APC2: variants seen among roughly 807,000 people sequenced by gnomAD.
The protein encoded by APC2 is APC regulator of Wnt signaling pathway 2.
Under a neutral mutation model 72.5 loss-of-function variants are expected in APC2, and 41 were observed. That is an observed-to-expected ratio of 0.57 (90% CI 0.44 to 0.73). The LOEUF (loss-of-function observed/expected upper bound fraction) is 0.73. Among genes scored for constraint, APC2 ranks in the 30% least tolerant of loss-of-function variants. The probability of loss-of-function intolerance (pLI) is 0.00; values close to 1 mark genes in which losing one functional copy is unlikely to be tolerated. For synonymous variants in APC2, 1,898 were observed against 1,612.0 expected, an observed-to-expected ratio of 1.18 and a Z score of -4.25; for missense variants, 3,729 against 3,403.4, an observed-to-expected ratio of 1.10 and a Z score of -2.38.
intron 1 of APC2, among the ~76,000 whole-genome samples, chr19:1,450,735 C>T (rs1301436460): frequency 6.6e-6 from 1 of 152,210 alleles, no homozygotes; most frequent in Non-Finnish European, 1.5e-5. Context: ...GAAATGCAGC[C>T]CGCTCAATAA....
intron 7 of APC2, 27 bp from the exon 8 acceptor site, chr19:1,456,279 C>A (rs753947911): frequency 6.3e-7 from 1 of 1,591,946 alleles, no homozygotes; most frequent in Non-Finnish European, 8.5e-7. Flanking sequence ...TGGGACTGTA[C>A]CCCCGACCCT....
intron 10 of APC2, among the ~76,000 whole-genome samples, chr19:1,459,428 C>CT (rs2083889996): frequency 6.6e-6 from 1 of 152,192 alleles, no homozygotes; most frequent in African/African-American, 2.4e-5. Context: ...ACAGGGCACG[C>CT]TGGGCTGACC....
At position 1,456,814 on chromosome 19, in the gene APC2, C is replaced by G. The variant is rs769835114; in HGVS notation, c.817-39C>G. ...ACCGGGTTTCCAGGTGTGCGGGGGG[C>G]AGGTGAGGGACCCCACCCTGACCCT... On this transcript the variant is annotated intron_variant, in intron 8 of 14. Coordinates refer to ENST00000590469, the MANE Select transcript of APC2 (RefSeq NM_005883.3). 4 of 1,571,152 alleles carry G rather than the reference C, an allele frequency of 2.5e-6. No homozygotes were observed. The African/African-American group carries it at 4.1e-5, about 16-fold the overall frequency.
chr19:1,465,768 C>A lies in APC2; in HGVS notation c.2467C>A (p.Arg823Ser). Reference sequence around the variant, plus strand: ...GGCGCTGGCTCGCACCCCGCCCACCCGCCGAGGCGGCAAGGAGGCAGAGAA... The same window carrying A: ...GGCGCTGGCTCGCACCCCGCCCACCAGCCGAGGCGGCAAGGAGGCAGAGAA... ...GQALARTPPT[R>S]RGGKEAEKDT... Residue 823 changes from arginine to serine, a missense_variant, in exon 15 of 15, where the codon CGC becomes AGC. Transcript: ENST00000590469. 6.5e-7 allele frequency: 1 copy of A among 1,549,318 alleles called. No homozygotes were observed.
rs759416366 is a variant in APC2 at position 1,468,168 on chromosome 19, C to T, written c.4867C>T (p.Arg1623Trp). 23 of 1,454,424 alleles carry T rather than the reference C, an allele frequency of 1.6e-5. No individual in the cohort carries two copies. The highest frequency in any genetic ancestry group is 2.1e-5 in the Non-Finnish European group (23 of 1,112,466). 90.1% of individuals were successfully genotyped at this position (1,454,424 alleles called of 1,614,324 possible). Residue 1623 changes from arginine (R) to tryptophan (W), a missense_variant, in exon 15 of 15, where the codon CGG becomes TGG. Physicochemically the swap from Arg to Trp is moderately radical, Grantham distance 101 (BLOSUM62 -3). Coordinates refer to ENST00000590469, the MANE Select transcript of APC2 (RefSeq NM_005883.3). ...GGGRDSSPSPRAAEELLQRCI... is the reference protein window; with the variant it reads ...GGGRDSSPSPWAAEELLQRCI... ...CGGACGCGACAGCTCGCCCAGCCCG[C>T]GGGCCGCGGAGGAGCTTCTGCAGCG...
chr19:1,468,924 A>T lies in APC2; in HGVS notation c.5623A>T (p.Ser1875Cys). Residue 1875 changes from serine (S) to cysteine (C), a missense_variant, in exon 15 of 15, where the codon AGC becomes TGC. Physicochemically the swap from Ser to Cys is moderately radical, Grantham distance 112. Transcript: ENST00000590469. ...CCGCCTCGCCAAGACCCCCTCCTCC[A>T]GCTCCTCCCAGACCTCGCCCGCCTC... ...PARLAKTPSS[S>C]SSQTSPASQP... The T allele has an allele frequency of 2.0e-6, 3 of 1,514,794 alleles. No individual in the cohort carries two copies. The highest frequency in any genetic ancestry group is 2.6e-6 in the Non-Finnish European group (3 of 1,135,392). 93.8% of individuals were successfully genotyped at this position (1,514,794 alleles called of 1,614,324 possible). A position where few individuals can be genotyped will look rare whatever the true frequency, so the allele number is the denominator to read the frequency against.
chr19:1,466,727 C>T lies in APC2; in HGVS notation c.3426C>T (p.Ala1142=), dbSNP rs1405896223. ...GCCGGGGCCTGGGGGTGGAAGACGC[C>T]ACGCCGTCCAGCTCGTCGGAGAACT... is the stretch of plus-strand genomic sequence containing the variant. ...NRGRGLGVED[A]TPSSSSENYV... The change falls in exon 15 of 15, where the codon GCC becomes GCT. Residue 1142 remains alanine, a synonymous_variant. Coordinates refer to ENST00000590469, the MANE Select transcript of APC2 (RefSeq NM_005883.3). 2.0e-6 allele frequency: 3 copies of T among 1,538,128 alleles called. No individual in the cohort carries two copies. The highest frequency in any genetic ancestry group is 8.8e-7 in the Non-Finnish European group (1 of 1,140,174).
At chr19:1,461,404 A>C in intron 13 of APC2, 1 of 543,414 alleles carries the variant, frequency 1.8e-6, no homozygotes, top group East Asian at 3.2e-5. Context: ...GTCAGACCCC[A>C]TCTCTACTAA....
Position 1,456,105 on chromosome 19 carries a change from C to T in APC2, c.669C>T (p.Asp223=). The part of the protein sequence containing the change: ...QIRASRLEQI[D]KELLEAQDRV... ...GCGCCTCGCGCCTGGAGCAGATTGACAAGGAGCTGCTGGAGGCGCAGGACC... is the reference window on the plus strand; with the variant it reads ...GCGCCTCGCGCCTGGAGCAGATTGATAAGGAGCTGCTGGAGGCGCAGGACC... The change falls in exon 7 of 15, where the codon GAC becomes GAT. Residue 223 remains aspartate, a synonymous_variant. Coordinates refer to ENST00000590469, the MANE Select transcript of APC2 (RefSeq NM_005883.3). 1.9e-6 allele frequency: 3 copies of T among 1,590,526 alleles called. No individual in the cohort carries two copies. The highest frequency in any genetic ancestry group is 2.6e-6 in the Non-Finnish European group (3 of 1,170,982).
At position 1,466,991 on chromosome 19, in the gene APC2, C is replaced by T. The variant is rs779509450; in HGVS notation, c.3690C>T (p.Ser1230=). The T allele has an allele frequency of 6.2e-7, 1 of 1,608,870 alleles. No individual in the cohort carries two copies. Among genetic ancestry groups the T allele is most frequent in the Non-Finnish European group, 8.5e-7 (1 of 1,178,312 alleles). The part of the protein sequence containing the change: ...PQGPPEATQF[S]LQWESYVKRF... The stretch of plus-strand genomic sequence containing the variant: ...GTCCCCCCGAGGCCACCCAGTTCAG[C>T]CTGCAGTGGGAGAGCTACGTGAAGC... The change falls in exon 15 of 15, where the codon AGC becomes AGT. Residue 1230 remains serine (S), a synonymous_variant. Transcript: ENST00000590469.
rs1568186895 is a variant in APC2 at position 1,470,210 on chromosome 19, A to AT, written c.6910dup (p.Ter2304LeufsTer4). ...CCACTGCCTCCGCCACCCTCCTGGAATAGTGGCCTAGGCCGGCCTTCTGGA... is the reference window on the plus strand; with the variant it reads ...CCACTGCCTCCGCCACCCTCCTGGAATTAGTGGCCTAGGCCGGCCTTCTGGA... On this transcript the variant is annotated frameshift_variant, in exon 15 of 15. Transcript: ENST00000590469. LOFTEE classifies it high-confidence loss of function. The AT allele has an allele frequency of 6.3e-7, 1 of 1,589,918 alleles. No homozygotes were observed. The highest frequency in any genetic ancestry group is 1.1e-5 in the South Asian group (1 of 88,126).
At position 1,469,448 on chromosome 19, in the gene APC2, AC is replaced by A; in HGVS notation, c.6151del (p.Arg2051GlyfsTer284). 8.7e-7 allele frequency: 1 copy of A among 1,153,508 alleles called. No individual in the cohort carries two copies. The highest frequency in any genetic ancestry group is 1.1e-6 in the Non-Finnish European group (1 of 941,044). The allele number at this position is 1,153,508 out of a possible 1,614,324, so 71.5% of individuals were successfully genotyped here. On this transcript the variant is annotated frameshift_variant, in exon 15 of 15. Coordinates refer to ENST00000590469, the MANE Select transcript of APC2 (RefSeq NM_005883.3). LOFTEE classifies it low-confidence loss of function (END_TRUNC). Reference sequence around the variant, plus strand: ...CGCGCTGCGAAGAGCTCCGAGCGGCACCCCGGCAGGGCCCGGCCCCGGCCCG... The same window carrying A: ...CGCGCTGCGAAGAGCTCCGAGCGGCACCCGGCAGGGCCCGGCCCCGGCCCG... ...SSRCEELRAA[P>X]RQGPAPARQR... is the part of the protein sequence containing the mutation.
chr19:1,463,005 G>C (rs2083952148), intron 14 of APC2, among the ~76,000 whole-genome samples: 1 of 151,436 alleles, frequency 6.6e-6, no homozygotes, highest in African/African-American at 2.4e-5. Context: ...GCTGGGCTCG[G>C]TCCCTCACAC....
At chr19:1,458,193 C>T in intron 10 of APC2, 133 bp downstream of exon 10, 1 of 800,228 alleles carries the variant, frequency 1.2e-6, no homozygotes, top group Non-Finnish European at 2.0e-6. Flanking sequence ...GGGACAGACT[C>T]CCTGGAGTCA....
upstream of APC2, chr19:1,446,326 C>T (rs921366995): frequency 1.0e-5 from 10 of 985,340 alleles, no homozygotes; most frequent in South Asian, 1.4e-4. This position sits in a 1 kb window ranked among gnomAD's most constrained non-coding sequence, Gnocchi z 6.1. Context: ...TGCACTCGGC[C>T]TTCTTCGGGG....
rs758444908 is a variant in APC2 at position 1,467,977 on chromosome 19, C to T, written c.4676C>T (p.Pro1559Leu). Residue 1559 changes from proline (P) to leucine (L), a missense_variant, in exon 15 of 15, where the codon CCG (proline) becomes CTG (leucine). Physicochemically the swap from Pro to Leu is moderately conservative, Grantham distance 98 (BLOSUM62 -3). Coordinates refer to ENST00000590469, the MANE Select transcript of APC2 (RefSeq NM_005883.3). The stretch of plus-strand genomic sequence containing the variant: ...CCGTCCAAGGCTGCACCAGCTGCCC[C>T]GCCGCCCGCCCGGACCCAGCCCAGC... ...PAPSKAAPAA[P>L]PPARTQPSLI... The T allele has an allele frequency of 1.6e-5, 26 of 1,578,852 alleles. No homozygotes were observed. Among genetic ancestry groups the T allele is most frequent in the Non-Finnish European group, 2.2e-5 (26 of 1,171,864 alleles).
Position 1,470,258 on chromosome 19 carries a change from C to T in APC2, c.*45C>T. On this transcript the variant is annotated 3_prime_UTR_variant, in exon 15 of 15. Coordinates refer to ENST00000590469, the MANE Select transcript of APC2 (RefSeq NM_005883.3). ...GGAACGTTCTCTCCCGGCCCTGCGGCGCGGTCTGGCTGCCCCATGGGCCTG... is the reference window on the plus strand; with the variant it reads ...GGAACGTTCTCTCCCGGCCCTGCGGTGCGGTCTGGCTGCCCCATGGGCCTG... 1 of 1,517,680 alleles carries T rather than the reference C, an allele frequency of 6.6e-7. No homozygotes were observed. 94.0% of individuals were successfully genotyped at this position (1,517,680 alleles called of 1,614,324 possible).
At chr19:1,448,868 A>AAAG (rs1323295194), upstream of APC2, among the ~76,000 whole-genome samples, 145 of 151,676 alleles carry the variant, frequency 9.6e-4, 1 homozygote, top group East Asian at 0.019. Context: ...GAAAAAAAAG[A>AAAG]AAAAGAAAAA....
rs746177791 is a variant in APC2 at position 1,468,673 on chromosome 19, G to T, written c.5372G>T (p.Arg1791Leu). The T allele has an allele frequency of 1.3e-6, 2 of 1,575,644 alleles. No individual in the cohort carries two copies. The highest frequency in any genetic ancestry group is 1.7e-4 in the Middle Eastern group (1 of 5,990). The part of the protein sequence containing the change: ...TPGVPAVLRG[R>L]TVIYVPSPAP... The stretch of plus-strand genomic sequence containing the variant: ...GGGGTGCCAGCTGTGCTCCGGGGAC[G>T]AACAGTGATCTACGTCCCCAGCCCG... The change falls in exon 15 of 15, where the codon CGA becomes CTA. Residue 1791 changes from arginine to leucine, a missense_variant. Transcript: ENST00000590469.
Sources: gnomAD v4.1 joint callset for allele counts (sites outside exome capture counted in the v4.1 genomes callset) on GRCh38, gnomAD v4.1.1 for gene constraint, Gnocchi (gnomAD v3.1) non-coding constraint, MANE v1.5 for transcripts, NCBI Gene and HGNC (gene_info 2026-07-23, HGNC 2026-07-21) for gene names.